The following LRIG1 variants were observed in gnomAD, a reference collection of about 807,000 sequenced individuals.
LRIG1 encodes the protein leucine-rich repeats and immunoglobulin-like domains protein 1.
LRIG1 carries 48 observed loss-of-function variants against 99.2 expected under a neutral mutation model. The observed-to-expected ratio is 0.48, with a 90% CI of 0.38 to 0.62. LRIG1 has a LOEUF of 0.62. Ranked by LOEUF, LRIG1 falls within the 20% of genes least tolerant of loss-of-function variation. LRIG1 has a pLI of 0.00. For synonymous variants in LRIG1, 772 were observed against 596.1 expected (o/e 1.29, Z -4.30); for missense variants, 1,646 against 1,434.4 (o/e 1.15, Z -2.38).
chr3:66,401,475 T>G (rs73833485), intron 9 of LRIG1: 8,962 of 516,670 alleles, frequency 0.017, 672 homozygotes, highest in African/African-American at 0.16. Context: ...CATTAAATAT[T>G]AGTCACATTG....
intron 11 of LRIG1, among the ~76,000 whole-genome samples, chr3:66,394,661 C>T (rs1701772239): frequency 6.6e-6 from 1 of 152,100 alleles, no homozygotes; most frequent in Non-Finnish European, 1.5e-5. Flanking sequence ...TGATAAACTA[C>T]TTGGAGCTTC....
chr3:66,381,453 T>C (rs1701058559), intron 17 of LRIG1, 26 bp downstream of exon 17: 1 of 1,597,004 alleles, frequency 6.3e-7, no homozygotes, highest in Non-Finnish European at 8.6e-7. Flanking sequence ...AGAAAGAAAC[T>C]ACTTCCAATG....
intron 1 of LRIG1, among the ~76,000 whole-genome samples, chr3:66,476,386 C>G (rs546254338): frequency 1.2e-3 from 184 of 152,140 alleles, no homozygotes; most frequent in Non-Finnish European, 2.2e-3. Flanking sequence ...TCCTCTCCCC[C>G]AGATAAGGGC....
rs1348906421 is a variant in LRIG1 at position 66,500,348 on chromosome 3, AAGG to A, written c.57_59del (p.Leu21del). The A allele has an allele frequency of 6.0e-6, 9 of 1,494,738 alleles. No individual in the cohort carries two copies. In the Admixed American group the frequency reaches 9.3e-5, roughly 16 times the overall value. The allele number at this position is 1,494,738 out of a possible 1,614,324, so 92.6% of individuals were successfully genotyped here. On this transcript the variant is annotated inframe_deletion, in exon 1 of 19. Transcript: ENST00000273261. ...CCAGCCGAAGCAAAAGCAGCCAGAG[AAGG>A]AGAAGGCAAGGCGAGCGGCGCGGGG...
intron 2 of LRIG1, among the ~76,000 whole-genome samples, chr3:66,456,399 T>C (rs1187320858): frequency 6.6e-6 from 1 of 151,736 alleles, no homozygotes; most frequent in Non-Finnish European, 1.5e-5. Context: ...CTGGGCAACA[T>C]GACAAAACCC....
intron 7 of LRIG1, among the ~76,000 whole-genome samples, chr3:66,408,792 C>T (rs1045150380): frequency 6.6e-6 from 1 of 152,026 alleles, no homozygotes; most frequent in African/African-American, 2.4e-5. Flanking sequence ...GGCCCTGAAG[C>T]GTAGGAAGCT....
chr3:66,381,950 C>A (rs192920722), intron 16 of LRIG1, among the ~76,000 whole-genome samples: 1 of 150,494 alleles, frequency 6.6e-6, no homozygotes, highest in African/African-American at 2.5e-5. Context: ...GACCTGGGCA[C>A]GTTCCCCATG....
chr3:66,417,286 G>A lies in LRIG1; in HGVS notation c.366-20C>T. ...TGCTGCCTGAAACACAACAAGGGAGGTGACTTGAGCATCTCTTTTTGCAAA... is the reference window on the plus strand; with the variant it reads ...TGCTGCCTGAAACACAACAAGGGAGATGACTTGAGCATCTCTTTTTGCAAA... On this transcript the variant is annotated intron_variant, in intron 3 of 18. Coordinates refer to ENST00000273261, the MANE Select transcript of LRIG1 (RefSeq NM_015541.3). 1 of 1,606,954 alleles carries A rather than the reference G, an allele frequency of 6.2e-7. No homozygotes were observed. Among genetic ancestry groups the A allele is most frequent in the Non-Finnish European group, 8.5e-7 (1 of 1,174,484 alleles).
intron 13 of LRIG1, among the ~76,000 whole-genome samples, chr3:66,384,997 C>T (rs192851903): frequency 3.3e-5 from 5 of 152,164 alleles, no homozygotes; most frequent in Non-Finnish European, 5.9e-5. Context: ...GAAGGTGTTT[C>T]GCTGTGATCT....
chr3:66,398,646 G>A (rs114044722), intron 10 of LRIG1, among the ~76,000 whole-genome samples: 1,732 of 152,332 alleles, frequency 0.011, 47 homozygotes, highest in African/African-American at 0.039. Context: ...GAGGAAGCGC[G>A]TTGGTGGAAG....
intron 12 of LRIG1, chr3:66,386,563 T>C: frequency 2.3e-6 from 1 of 428,464 alleles, no homozygotes; most frequent in Non-Finnish European, 4.2e-6. Flanking sequence ...TTCTCAGTTC[T>C]CAAACCAGCC....
intron 3 of LRIG1, among the ~76,000 whole-genome samples, chr3:66,421,518 A>G (rs1291277101): frequency 6.6e-6 from 1 of 152,190 alleles, no homozygotes; most frequent in Non-Finnish European, 1.5e-5. Context: ...CGCTGATGCA[A>G]GACGTGGGTT....
chr3:66,481,183 C>T (rs1214133582), intron 1 of LRIG1, among the ~76,000 whole-genome samples: 1 of 152,180 alleles, frequency 6.6e-6, no homozygotes, highest in Non-Finnish European at 1.5e-5. Flanking sequence ...TGCAGTTAAA[C>T]GGGAAGGCCC....
At chr3:66,393,925 T>G in intron 12 of LRIG1, 115 bp downstream of exon 12, 1 of 1,117,394 alleles carries the variant, frequency 8.9e-7, no homozygotes, top group Non-Finnish European at 1.3e-6. Context: ...GCAGCTGATC[T>G]GTAACCACGG....
intron 3 of LRIG1, among the ~76,000 whole-genome samples, chr3:66,428,677 T>C (rs1703059790): frequency 6.6e-6 from 1 of 152,228 alleles, no homozygotes; most frequent in Non-Finnish European, 1.5e-5. Flanking sequence ...CTTCTCAGAA[T>C]GACAGTTGAA....
rs115000380 is a variant in LRIG1, at chr3:66,393,188, T to A, written c.1468+852A>T. On this transcript the variant is annotated intron_variant, in intron 12 of 18. Coordinates refer to ENST00000273261, the MANE Select transcript of LRIG1 (RefSeq NM_015541.3). ...TGGCCCACAAGGGTTGCCATATGGA[T>A]GGGTGAGTTCCTGGTTAGGATCCTC... Among the ~76,000 whole-genome samples, 697 of 152,276 alleles carry A rather than the reference T, an allele frequency of 4.6e-3. 6 individuals carry two copies. Among genetic ancestry groups the A allele is most frequent in the African/African-American group, 0.016 (670 of 41,552 alleles).
chr3:66,443,918 T>A (rs1369454950), intron 3 of LRIG1, among the ~76,000 whole-genome samples: 1 of 152,016 alleles, frequency 6.6e-6, no homozygotes, highest in Non-Finnish European at 1.5e-5. Flanking sequence ...TCATAAACAA[T>A]GCAGTGCTAG....
intron 9 of LRIG1, chr3:66,404,530 A>C (rs1306939493): frequency 4.5e-6 from 3 of 668,000 alleles, no homozygotes; most frequent in Middle Eastern, 1.3e-3. Flanking sequence ...CAAACAAGCA[A>C]ATCCTGAGCC....
intron 3 of LRIG1, among the ~76,000 whole-genome samples, chr3:66,423,685 C>T (rs1327036500): frequency 6.6e-6 from 1 of 152,194 alleles, no homozygotes; most frequent in African/African-American, 2.4e-5. Flanking sequence ...CTCCAAGGCA[C>T]ATGTGGAGTT....
Sources: allele counts gnomAD v4.1 joint callset (sites outside exome capture counted in the v4.1 genomes callset), GRCh38; gene constraint gnomAD v4.1.1; transcripts MANE v1.5; gene names NCBI Gene and HGNC (gene_info 2026-07-23, HGNC 2026-07-21).